Variants in GRID2IP observed in about 807,000 individuals in gnomAD.
GRID2IP encodes delphilin.
A neutral mutation model predicts 114.3 loss-of-function variants in GRID2IP; 78 were observed. The ratio of observed to expected loss-of-function variants is 0.68; its 90% CI spans 0.57 to 0.82. The LOEUF is 0.82. GRID2IP is among the 40% of genes least tolerant of loss of function. The pLI, the probability that GRID2IP is intolerant of heterozygous loss-of-function variation, is 0.00. For synonymous variants in GRID2IP, 809 were observed against 724.0 expected, an observed-to-expected ratio of 1.12 and a Z score of -1.89; for missense variants, 1,727 against 1,678.5, an observed-to-expected ratio of 1.03 and a Z score of -0.51.
intron 2 of GRID2IP, among the ~76,000 whole-genome samples, chr7:6,533,492 A>G (rs1779670990): frequency 1.3e-5 from 2 of 148,896 alleles, no homozygotes; most frequent in East Asian, 2.0e-4. Flanking sequence ...CCAAATAGCT[A>G]GGACTACAGG....
intron 8 of GRID2IP, among the ~76,000 whole-genome samples, chr7:6,512,800 C>T (rs879862251): frequency 2.6e-5 from 4 of 151,960 alleles, no homozygotes; most frequent in South Asian, 2.1e-4. Flanking sequence ...CGTGAGTCAC[C>T]GCGCACGGCC....
At chr7:6,522,035 A>T (rs1779422309) in intron 4 of GRID2IP, 78 bp from the exon 5 acceptor site, 1 of 1,206,222 alleles carries the variant, frequency 8.3e-7, no homozygotes, top group Non-Finnish European at 1.2e-6. Context: ...CCTGTTTTAC[A>T]GGCGAGAAAT....
intron 20 of GRID2IP, among the ~76,000 whole-genome samples, chr7:6,501,468 G>T (rs901928026): frequency 6.6e-6 from 1 of 152,250 alleles, no homozygotes; most frequent in Non-Finnish European, 1.5e-5. Flanking sequence ...CTGGGAGGCT[G>T]AGGCAGGCAG....
chr7:6,526,138 G>A lies in GRID2IP; in HGVS notation c.919+86C>T. On this transcript the variant is annotated intron_variant, in intron 4 of 21. Transcript: ENST00000457091. The surrounding 1 kb of genome is among the most constrained non-coding windows in gnomAD (Gnocchi z 7.6). ...GTTGCTGAGCAGGAGCCTACATGGG[G>A]TACAATGACCCGGCAGAGCCACCAC... 2 of 1,042,784 alleles carry A rather than the reference G, an allele frequency of 1.9e-6. No individual in the cohort carries two copies. Among genetic ancestry groups the A allele is most frequent in the Non-Finnish European group, 2.9e-6 (2 of 687,338 alleles). The allele number at this position is 1,042,784 out of a possible 1,614,324, so 64.6% of individuals were successfully genotyped here.
In GRID2IP at chr7:6,520,850, C is replaced by A; in HGVS notation, c.1085-89G>T. The A allele has an allele frequency of 7.8e-7, 1 of 1,287,612 alleles. No individual in the cohort carries two copies. Among genetic ancestry groups the A allele is most frequent in the South Asian group, 1.4e-5 (1 of 70,160 alleles). 79.8% of individuals were successfully genotyped at this position (1,287,612 alleles called of 1,614,324 possible). A position where few individuals can be genotyped will look rare whatever the true frequency, so the allele number is the denominator to read the frequency against. ...CCTGGCTTTTGAGGTCAGGAGACCT[C>A]CTGAGCTGGGGTGTGGCTGTCCAGT... On this transcript the variant is annotated intron_variant, in intron 6 of 21. Coordinates refer to ENST00000457091, the MANE Select transcript of GRID2IP (RefSeq NM_001145118.2). This position sits in a 1 kb window ranked among gnomAD's most constrained non-coding sequence, Gnocchi z 4.6.
intron 13 of GRID2IP, 42 bp from the exon 14 acceptor site, chr7:6,505,949 G>T: frequency 7.2e-7 from 1 of 1,386,582 alleles, no homozygotes; most frequent in Non-Finnish European, 1.0e-6. Flanking sequence ...AGGAGCAGCA[G>T]CAGCTGGACT....
At chr7:6,503,398 C>T in intron 16 of GRID2IP, 93 bp downstream of exon 16, 1 of 1,288,952 alleles carries the variant, frequency 7.8e-7, no homozygotes, top group African/African-American at 1.5e-5. Flanking sequence ...AATGGCGGCC[C>T]CCGAAGGCGC....
At position 6,532,594 on chromosome 7, in the gene GRID2IP, G is replaced by A. The variant is rs975595730; in HGVS notation, c.585-5825C>T. Among the ~76,000 whole-genome samples, 3 of 152,170 alleles carry A rather than the reference G, an allele frequency of 2.0e-5. No homozygotes were observed. Among genetic ancestry groups the A allele is most frequent in the African/African-American group, 7.2e-5 (3 of 41,442 alleles). ...TGGAGCCAGTGCCCACTCATGCCGT[G>A]CCCTCCCCAAGCCCTGTCCTCAGCC... On this transcript the variant is annotated intron_variant, in intron 2 of 21. Coordinates refer to ENST00000457091, the MANE Select transcript of GRID2IP (RefSeq NM_001145118.2). The surrounding 1 kb of genome is among the most constrained non-coding windows in gnomAD (Gnocchi z 4.4).
chr7:6,508,860 G>A lies in GRID2IP; in HGVS notation c.2127+98C>T, dbSNP rs550409076. ...GGGATAGCCTGGGGAAGATCCCAAG[G>A]GCAGCAGGCCCCTTGCGGGAGCCCA... On this transcript the variant is annotated intron_variant, in intron 12 of 21. Transcript: ENST00000457091. This position sits in a 1 kb window ranked among gnomAD's most constrained non-coding sequence, Gnocchi z 5.6. 3.4e-6 allele frequency: 5 copies of A among 1,467,408 alleles called. No homozygotes were observed. In the African/African-American group the frequency reaches 5.6e-5, roughly 16 times the overall value. The allele number at this position is 1,467,408 out of a possible 1,614,324, so 90.9% of individuals were successfully genotyped here.
chr7:6,501,637 T>TC (rs1417342285), intron 20 of GRID2IP, 144 bp downstream of exon 20: 1 of 676,564 alleles, frequency 1.5e-6, no homozygotes, highest in East Asian at 2.7e-5. Context: ...TAGAGCCTCT[T>TC]CCAGGACCCC....
chr7:6,548,641 G>C (rs1183765560), intron 1 of GRID2IP, among the ~76,000 whole-genome samples: 1 of 152,036 alleles, frequency 6.6e-6, no homozygotes, highest in Admixed American at 6.6e-5. Flanking sequence ...TTCAAGACCA[G>C]CCTGACCAAT....
chr7:6,551,391 C>T lies in GRID2IP; in HGVS notation c.46G>A (p.Asp16Asn). The T allele has an allele frequency of 6.5e-7, 1 of 1,547,912 alleles. No homozygotes were observed. Among genetic ancestry groups the T allele is most frequent in the Non-Finnish European group, 8.7e-7 (1 of 1,145,750 alleles). The change falls in exon 1 of 22, where the codon GAC (aspartate) becomes AAC (asparagine). Residue 16 changes from aspartate to asparagine, a missense_variant. Coordinates refer to ENST00000457091, the MANE Select transcript of GRID2IP (RefSeq NM_001145118.2). ...TPATNQGWPE[D>N]FGFRLGGSGP... ...GAGCCACCTAGCCGGAAGCCAAAGT[C>T]CTCTGGCCAGCCCTGGTTCGTGGCC...
Position 6,536,765 on chromosome 7 carries a change from G to A in GRID2IP, c.584+2953C>T. The A allele has an allele frequency of 1.4e-6, 1 of 701,786 alleles. No individual in the cohort carries two copies. Among genetic ancestry groups the A allele is most frequent in the Non-Finnish European group, 2.6e-6 (1 of 384,184 alleles). The allele number at this position is 701,786 out of a possible 1,614,324, so 43.5% of individuals were successfully genotyped here. A position where few individuals can be genotyped will look rare whatever the true frequency, so the allele number is the denominator to read the frequency against. On this transcript the variant is annotated intron_variant, in intron 2 of 21. Transcript: ENST00000457091. The surrounding 1 kb of genome is among the most constrained non-coding windows in gnomAD (Gnocchi z 5.3). ...CATCTCCGCGGCAAATTCGGCTCTA[G>A]AAATAACTTTTTTCCTTTTTTCCCC...
intron 16 of GRID2IP, 72 bp from the exon 17 acceptor site, chr7:6,503,235 G>GT: frequency 8.0e-7 from 1 of 1,247,924 alleles, no homozygotes; most frequent in Non-Finnish European, 1.1e-6. Flanking sequence ...AGGCTTTGGG[G>GT]TGGGAGGGGG....
intron 1 of GRID2IP, among the ~76,000 whole-genome samples, chr7:6,541,048 A>C (rs528441195): frequency 6.6e-6 from 1 of 151,472 alleles, no homozygotes. Context: ...GAACTGGCTA[A>C]TTAAATTTTT....
intron 15 of GRID2IP, among the ~76,000 whole-genome samples, chr7:6,504,377 C>A (rs1345936217): frequency 2.7e-5 from 4 of 150,428 alleles, no homozygotes; most frequent in Non-Finnish European, 5.9e-5. Flanking sequence ...AAGGGCGGGG[C>A]CTGCGAGGGG....
Position 6,521,384 on chromosome 7 carries a change from G to A in GRID2IP, c.1084+45C>T. On this transcript the variant is annotated intron_variant, in intron 6 of 21. Transcript: ENST00000457091. This position sits in a 1 kb window ranked among gnomAD's most constrained non-coding sequence, Gnocchi z 4.1. ...ACTCTCACATATAGCAGCCTGGGCA[G>A]GGTCTCTGGGGGCCAAGGAAGCCAA... is the stretch of plus-strand genomic sequence containing the variant. 7.3e-7 allele frequency: 1 copy of A among 1,363,344 alleles called. No individual in the cohort carries two copies. Among genetic ancestry groups the A allele is most frequent in the Non-Finnish European group, 1.0e-6 (1 of 996,520 alleles). 84.5% of individuals were successfully genotyped at this position (1,363,344 alleles called of 1,614,324 possible). A position where few individuals can be genotyped will look rare whatever the true frequency, so the allele number is the denominator to read the frequency against.
chr7:6,530,251 C>T (rs1017851131), intron 2 of GRID2IP, among the ~76,000 whole-genome samples: 3 of 151,692 alleles, frequency 2.0e-5, no homozygotes, highest in Admixed American at 6.6e-5. Flanking sequence ...AGCCACCGCG[C>T]CTGGCCTTTT....
chr7:6,504,704 ATC>A (rs1195221289), intron 15 of GRID2IP, 87 bp downstream of exon 15: 1 of 1,023,242 alleles, frequency 9.8e-7, no homozygotes, highest in East Asian at 2.7e-5. Flanking sequence ...CCACCGCCTA[ATC>A]TCTGTCATCC....
Sources: allele counts gnomAD v4.1 joint callset (sites outside exome capture counted in the v4.1 genomes callset), GRCh38; gene constraint gnomAD v4.1.1; non-coding constraint Gnocchi (gnomAD v3.1); transcripts MANE v1.5; gene names NCBI Gene and HGNC (gene_info 2026-07-23, HGNC 2026-07-21).